Variants in VPS8 observed in about 807,000 individuals in gnomAD.
VPS8 encodes vacuolar protein sorting-associated protein 8 homolog.
VPS8 carries 129 observed loss-of-function variants against 216.4 expected under a neutral mutation model. The ratio of observed to expected loss-of-function variants is 0.60; its 90% CI spans 0.52 to 0.69. VPS8 has a LOEUF of 0.69. Ranked by LOEUF, VPS8 falls within the 30% of genes least tolerant of loss-of-function variation. VPS8 has a pLI of 0.00. For missense variants in VPS8, 1,531 were observed against 1,683.5 expected, an observed-to-expected ratio of 0.91 and a Z score of 1.59; for synonymous variants, 571 against 565.4, an observed-to-expected ratio of 1.01 and a Z score of -0.14.
At chr3:184,887,452 A>G (rs1731496067) in intron 22 of VPS8, among the ~76,000 whole-genome samples, 1 of 151,498 alleles carries the variant, frequency 6.6e-6, no homozygotes, top group Non-Finnish European at 1.5e-5. Flanking sequence ...GTATTGTTCT[A>G]AACGCTTTAC....
intron 22 of VPS8, among the ~76,000 whole-genome samples, chr3:184,891,648 T>A (rs1732377398): frequency 6.6e-6 from 1 of 152,236 alleles, no homozygotes; most frequent in African/African-American, 2.4e-5. Flanking sequence ...CTTTACGAAC[T>A]GTGGTACTTG....
chr3:184,934,343 A>T (rs899559281), intron 34 of VPS8, among the ~76,000 whole-genome samples: 16 of 151,698 alleles, frequency 1.1e-4, no homozygotes, highest in Non-Finnish European at 1.6e-4. Context: ...GCTTATTTTT[A>T]TATTTTTAGT....
At chr3:184,868,812 A>G (rs1727827223) in intron 18 of VPS8, 134 bp from the exon 19 acceptor site, 2 of 697,876 alleles carry the variant, frequency 2.9e-6, no homozygotes, top group South Asian at 1.9e-5. Context: ...CTTTGAAACA[A>G]GATATTCACA....
chr3:185,011,697 C>CTAAG (rs574340014), intron 45 of VPS8, among the ~76,000 whole-genome samples: 2 of 152,150 alleles, frequency 1.3e-5, no homozygotes, highest in Non-Finnish European at 2.9e-5. Context: ...TGGTTGAGGA[C>CTAAG]TAAGGGATTT....
In VPS8 at chr3:184,957,356, T is replaced by C; in HGVS notation, c.3036-18T>C. On this transcript the variant is annotated intron_variant, in intron 36 of 47. Transcript: ENST00000625842. ...TAATGCTACAATTGAGTGTTCTCTT[T>C]ATCTTTTATGTTTTTAGGGAAGGTA... 1 of 1,585,950 alleles carries C rather than the reference T, an allele frequency of 6.3e-7. No homozygotes were observed. Among genetic ancestry groups the C allele is most frequent in the South Asian group, 1.1e-5 (1 of 87,722 alleles).
At chr3:184,994,185 G>A (rs899663428) in intron 43 of VPS8, 122 bp downstream of exon 43, 2 of 643,756 alleles carry the variant, frequency 3.1e-6, no homozygotes, top group Non-Finnish European at 5.0e-6. Context: ...GGTAGACTGA[G>A]GTGTATGTGT....
At chr3:184,928,430 T>C in intron 31 of VPS8, 21 bp from the exon 32 acceptor site, 2 of 1,526,456 alleles carry the variant, frequency 1.3e-6, no homozygotes, top group South Asian at 2.7e-5. Context: ...GTGTTTTTAC[T>C]CATTTATTGT....
chr3:184,833,392 T>G (rs1720415593), intron 4 of VPS8, among the ~76,000 whole-genome samples: 1 of 152,226 alleles, frequency 6.6e-6, no homozygotes, highest in South Asian at 2.1e-4. Context: ...TTAATATTGA[T>G]AAAGTGATCT....
At chr3:185,002,581 C>T (rs1561065361) in intron 45 of VPS8, among the ~76,000 whole-genome samples, 4 of 152,228 alleles carry the variant, frequency 2.6e-5, no homozygotes, top group South Asian at 2.1e-4. Context: ...AGTGTGTACT[C>T]TTTTATCCCT....
intron 35 of VPS8, among the ~76,000 whole-genome samples, chr3:184,938,759 G>C (rs1742113926): frequency 6.6e-6 from 1 of 151,004 alleles, no homozygotes; most frequent in South Asian, 2.1e-4. Flanking sequence ...GGGGCACAGT[G>C]GCTCACACCT....
intron 46 of VPS8, among the ~76,000 whole-genome samples, chr3:185,028,754 G>A (rs1409379052): frequency 6.6e-6 from 1 of 152,132 alleles, no homozygotes; most frequent in African/African-American, 2.4e-5. Flanking sequence ...CCAATACCTG[G>A]GTGGGTTGAG....
chr3:185,041,666 A>G (rs1480085549), intron 46 of VPS8, among the ~76,000 whole-genome samples: 2 of 152,212 alleles, frequency 1.3e-5, no homozygotes, highest in African/African-American at 4.8e-5. Context: ...CTGTGCATTA[A>G]AAGAACTCAG....
intron 38 of VPS8, 134 bp from the exon 39 acceptor site, chr3:184,966,537 C>A: frequency 2.1e-6 from 1 of 473,250 alleles, no homozygotes; most frequent in Non-Finnish European, 3.7e-6. Context: ...TTACTTCTGA[C>A]TGACACTAAA....
chr3:184,940,803 T>G (rs1656847225), intron 36 of VPS8, among the ~76,000 whole-genome samples: 1 of 152,238 alleles, frequency 6.6e-6, no homozygotes, highest in Admixed American at 6.5e-5. Context: ...AATAATGGAT[T>G]TGTAGGCAAA....
rs1219735176 is a variant in VPS8, at chr3:184,886,207, C to T, written c.1781+51C>T. ...CAATTATTTTGAACCCAGGTAGCCT[C>T]TTATGTATAAGCCATTGCTAAGAAT... is the stretch of plus-strand genomic sequence containing the variant. On this transcript the variant is annotated intron_variant, in intron 22 of 47. Transcript: ENST00000625842. 3.9e-6 allele frequency: 6 copies of T among 1,528,966 alleles called. No individual in the cohort carries two copies. In the East Asian group the frequency reaches 1.2e-4, roughly 30 times the overall value. The allele number at this position is 1,528,966 out of a possible 1,614,324, so 94.7% of individuals were successfully genotyped here. A position where few individuals can be genotyped will look rare whatever the true frequency, so the allele number is the denominator to read the frequency against.
intron 23 of VPS8, 85 bp from the exon 24 acceptor site, chr3:184,898,480 T>G: frequency 9.3e-7 from 1 of 1,070,082 alleles, no homozygotes; most frequent in Non-Finnish European, 1.4e-6. Flanking sequence ...GGGAAGAGCA[T>G]TCAAGACCTT....
chr3:184,895,253 G>A (rs541072087), intron 23 of VPS8, among the ~76,000 whole-genome samples: 78 of 151,974 alleles, frequency 5.1e-4, no homozygotes, highest in Non-Finnish European at 9.4e-4. Context: ...CAGCTTGTTC[G>A]TTCACTAATA....
intron 36 of VPS8, among the ~76,000 whole-genome samples, chr3:184,941,312 C>G (rs544829333): frequency 1.8e-4 from 15 of 83,746 alleles, no homozygotes; most frequent in Admixed American, 4.8e-4. Flanking sequence ...TAGATGTTTA[C>G]TAAAAGCAGA....
chr3:184,832,678 T>C lies in VPS8; in HGVS notation c.223-11T>C, dbSNP rs1385041985. 6.3e-7 allele frequency: 1 copy of C among 1,590,200 alleles called. No homozygotes were observed. The highest frequency in any genetic ancestry group is 1.8e-5 in the Admixed American group (1 of 55,846). ...ATTTTGAATGTATTGATTTATCTTC[T>C]TCCAATTTAGACTGATGATGAAGAT... On this transcript the variant is annotated splice_polypyrimidine_tract_variant and intron_variant, in intron 3 of 47. Transcript: ENST00000625842.
Sources: allele counts gnomAD v4.1 joint callset (sites outside exome capture counted in the v4.1 genomes callset), GRCh38; gene constraint gnomAD v4.1.1; transcripts MANE v1.5; gene names NCBI Gene and HGNC (gene_info 2026-07-23, HGNC 2026-07-21).